Variants in FAM117B observed in about 807,000 individuals in gnomAD.
FAM117B encodes the protein protein FAM117B.
In FAM117B, 22 loss-of-function variants were observed where a neutral mutation model predicts 52.8. The observed-to-expected ratio is 0.42, with a 90% CI of 0.30 to 0.59. FAM117B has a LOEUF of 0.59. Among genes scored for constraint, FAM117B ranks in the 20% least tolerant of loss-of-function variants. The probability of loss-of-function intolerance (pLI) is 0.22; values close to 1 mark genes in which losing one functional copy is unlikely to be tolerated. For synonymous variants in FAM117B, 309 were observed against 324.1 expected, an observed-to-expected ratio of 0.95 and a Z score of 0.50; for missense variants, 678 against 802.6, an observed-to-expected ratio of 0.84 and a Z score of 1.88.
rs1689672407 is a variant in FAM117B, at chr2:202,635,673, C to G, written c.486C>G (p.Thr162=). The G allele has an allele frequency of 1.4e-6, 2 of 1,394,288 alleles. No individual in the cohort carries two copies. The highest frequency in any genetic ancestry group is 1.5e-5 in the South Asian group (1 of 66,172). The allele number at this position is 1,394,288 out of a possible 1,614,324, so 86.4% of individuals were successfully genotyped here. A position where few individuals can be genotyped will look rare whatever the true frequency, so the allele number is the denominator to read the frequency against. Residue 162 remains threonine (T), a synonymous_variant, in exon 1 of 8, where the codon ACC becomes ACG. Transcript: ENST00000392238. The part of the protein sequence containing the change: ...SPSSSPTHLW[T]GEVSAAPPPA... ...GCTCGTCGCCCACCCACCTGTGGAC[C>G]GGCGAGGTGAGCGCGGCCCCACCCC...
At chr2:202,683,225 G>A (rs1415570992) in intron 1 of FAM117B, among the ~76,000 whole-genome samples, 2 of 152,284 alleles carry the variant, frequency 1.3e-5, no homozygotes, top group East Asian at 1.9e-4. Context: ...GTACTCAGGA[G>A]GCTGAGGCAG....
chr2:202,717,912 G>A (rs1279785836), intron 2 of FAM117B, among the ~76,000 whole-genome samples: 2 of 152,318 alleles, frequency 1.3e-5, no homozygotes, highest in East Asian at 3.9e-4. Context: ...CAGGCCCTGG[G>A]CAGGTCCAGA....
rs537447869 is a variant in FAM117B at position 202,634,994 on chromosome 2, AGCGGCGGCG to A, written c.-179_-171del. Among the ~76,000 whole-genome samples, 697 of 147,628 alleles carry A rather than the reference AGCGGCGGCG, an allele frequency of 4.7e-3. 5 individuals carry two copies. The highest frequency in any genetic ancestry group is 0.021 in the Middle Eastern group (6 of 288). On this transcript the variant is annotated 5_prime_UTR_variant, in exon 1 of 8. Coordinates refer to ENST00000392238, the MANE Select transcript of FAM117B (RefSeq NM_173511.4). Reference sequence around the variant, plus strand: ...AGAGGAGACACTATTGTTGATGAGGAGCGGCGGCGGCGGCGGCGGCGGCTGCACCACCTC... The same window carrying A: ...AGAGGAGACACTATTGTTGATGAGGAGCGGCGGCGGCGGCTGCACCACCTC...
chr2:202,680,635 A>C (rs1381788871), intron 1 of FAM117B, among the ~76,000 whole-genome samples: 1 of 151,902 alleles, frequency 6.6e-6, no homozygotes, highest in Non-Finnish European at 1.5e-5. Context: ...AGAAACAGCC[A>C]AAAAAAAGGG....
chr2:202,760,137 G>A (rs947074331), intron 7 of FAM117B, among the ~76,000 whole-genome samples: 4 of 152,216 alleles, frequency 2.6e-5, no homozygotes, highest in South Asian at 2.1e-4. Flanking sequence ...ACCACAGTAC[G>A]ATTATCTTAG....
intron 1 of FAM117B, among the ~76,000 whole-genome samples, chr2:202,685,799 C>A (rs1341313096): frequency 6.6e-6 from 1 of 152,036 alleles, no homozygotes; most frequent in Non-Finnish European, 1.5e-5. Flanking sequence ...GATGAAAGAC[C>A]TACATATGAA....
At chr2:202,691,501 T>TAA (rs35033554) in intron 1 of FAM117B, among the ~76,000 whole-genome samples, 2 of 150,088 alleles carry the variant, frequency 1.3e-5, no homozygotes, top group African/African-American at 4.9e-5. Context: ...GATTTTTAAT[T>TAA]AAAAAAAAAA....
chr2:202,645,444 C>G (rs552195336), intron 1 of FAM117B, among the ~76,000 whole-genome samples: 3 of 151,146 alleles, frequency 2.0e-5, no homozygotes, highest in South Asian at 2.1e-4. Context: ...CGCCCGCCAC[C>G]TCGCCCGGCT....
intron 4 of FAM117B, among the ~76,000 whole-genome samples, chr2:202,753,092 G>A (rs1351729377): frequency 1.3e-5 from 2 of 152,166 alleles, no homozygotes; most frequent in Admixed American, 6.5e-5. Context: ...CAAAGCTGGA[G>A]GCATCATGCT....
chr2:202,728,896 G>GA (rs1230305288), intron 4 of FAM117B, among the ~76,000 whole-genome samples: 1 of 152,072 alleles, frequency 6.6e-6, no homozygotes, highest in African/African-American at 2.4e-5. Context: ...AGAGAAACTT[G>GA]AAAAATAGTT....
rs547576427 is a variant in FAM117B at position 202,742,530 on chromosome 2, C to T, written c.961-13008C>T. Reference sequence around the variant, plus strand: ...ACCACACCATATACAAAAACAACCTCTAAATGGATTAAGGATCTAAATGTA... The same window carrying T: ...ACCACACCATATACAAAAACAACCTTTAAATGGATTAAGGATCTAAATGTA... On this transcript the variant is annotated intron_variant, in intron 4 of 7. Transcript: ENST00000392238. Among the ~76,000 whole-genome samples, 322 of 152,210 alleles carry T rather than the reference C, an allele frequency of 2.1e-3. 3 individuals carry two copies. Among genetic ancestry groups the T allele is most frequent in the African/African-American group, 7.2e-3 (301 of 41,528 alleles).
chr2:202,636,993 G>A (rs1689696280), intron 1 of FAM117B, among the ~76,000 whole-genome samples: 1 of 152,102 alleles, frequency 6.6e-6, no homozygotes, highest in Non-Finnish European at 1.5e-5. Flanking sequence ...TCCAACTCCC[G>A]GGTTCAAACG....
chr2:202,642,200 G>T (rs577195200), intron 1 of FAM117B, among the ~76,000 whole-genome samples: 1 of 148,834 alleles, frequency 6.7e-6, no homozygotes, highest in Non-Finnish European at 1.5e-5. Context: ...TGATCTGTCC[G>T]CCTCGGCCTC....
intron 1 of FAM117B, among the ~76,000 whole-genome samples, chr2:202,636,745 G>C (rs1195588575): frequency 6.6e-6 from 1 of 152,166 alleles, no homozygotes; most frequent in Non-Finnish European, 1.5e-5. Context: ...GGGAACTTCT[G>C]TTAGAATTTT....
intron 7 of FAM117B, 121 bp downstream of exon 7, chr2:202,759,474 C>A: frequency 7.8e-7 from 1 of 1,275,824 alleles, no homozygotes; most frequent in Non-Finnish European, 1.1e-6. Context: ...ACACTGCAAC[C>A]TCTACCTCCT....
At chr2:202,699,604 A>G (rs55719535) in intron 2 of FAM117B, among the ~76,000 whole-genome samples, 13 of 152,144 alleles carry the variant, frequency 8.5e-5, no homozygotes, top group African/African-American at 2.9e-4. Context: ...TTTAGCAGTA[A>G]CACAATTAAT....
chr2:202,703,083 A>G (rs185782948), intron 2 of FAM117B, among the ~76,000 whole-genome samples: 1 of 152,300 alleles, frequency 6.6e-6, no homozygotes, highest in Non-Finnish European at 1.5e-5. Context: ...AGTGGCATTA[A>G]TTACATTCAC....
At chr2:202,724,051 CTTTTT>C (rs34063266) in intron 2 of FAM117B, among the ~76,000 whole-genome samples, 2 of 89,792 alleles carry the variant, frequency 2.2e-5, no homozygotes, top group African/African-American at 4.6e-5. Context: ...TAAGGTTTAA[CTTTTT>C]TTTTTTTTTT....
intron 7 of FAM117B, among the ~76,000 whole-genome samples, chr2:202,762,597 T>C (rs1379001128): frequency 6.6e-6 from 1 of 152,178 alleles, no homozygotes; most frequent in Non-Finnish European, 1.5e-5. Flanking sequence ...CGTGAGTTTT[T>C]TTCTTTCTAT....
Sources: gnomAD v4.1 joint callset for allele counts (sites outside exome capture counted in the v4.1 genomes callset) on GRCh38, gnomAD v4.1.1 for gene constraint, MANE v1.5 for transcripts, NCBI Gene and HGNC (gene_info 2026-07-23, HGNC 2026-07-21) for gene names.